Variants in SRRM3 observed in about 807,000 individuals in gnomAD.
The protein encoded by SRRM3 is serine/arginine repetitive matrix protein 3.
SRRM3 carries 27 observed loss-of-function variants against 66.2 expected under a neutral mutation model. The observed-to-expected ratio is 0.41, with a 90% CI of 0.30 to 0.56. SRRM3 has a LOEUF of 0.56. Ranked by LOEUF, SRRM3 falls within the 20% of genes least tolerant of loss-of-function variation. The probability of loss-of-function intolerance (pLI) is 0.32; values close to 1 mark genes in which losing one functional copy is unlikely to be tolerated. For synonymous variants in SRRM3, 391 were observed against 414.9 expected (o/e 0.94, Z 0.70); for missense variants, 918 against 991.9 (o/e 0.93, Z 1.00).
intron 14 of SRRM3, chr7:76,283,633 G>A: frequency 5.7e-6 from 3 of 525,792 alleles, no homozygotes; most frequent in South Asian, 3.0e-5. Flanking sequence ...TCAGCTGTCC[G>A]TCTGTCTGCC....
chr7:76,210,297 G>A (rs560727794), intron 1 of SRRM3, among the ~76,000 whole-genome samples: 1 of 152,278 alleles, frequency 6.6e-6, no homozygotes, highest in South Asian at 2.1e-4. Flanking sequence ...GGGCTTCTGG[G>A]GAGGCAGGAA....
In SRRM3 at chr7:76,281,629, G is replaced by C; in HGVS notation, c.1197G>C (p.Ser399=). The C allele has an allele frequency of 1.0e-6, 1 of 973,680 alleles. No homozygotes were observed. The highest frequency in any genetic ancestry group is 1.2e-6 in the Non-Finnish European group (1 of 822,106). The allele number at this position is 973,680 out of a possible 1,614,324, so 60.3% of individuals were successfully genotyped here. ...RRRRRRRSRS[S]ASAPRRRGRR... ...GTAGGCGGCGGCGCTCGCGGTCCTC[G>C]GCGTCCGCGCCCCGCCGCAGGGGTC... Residue 399 remains serine, a synonymous_variant, in exon 12 of 15, where the codon TCG becomes TCC. Coordinates refer to ENST00000611745, the MANE Select transcript of SRRM3 (RefSeq NM_001110199.3).
chr7:76,258,611 G>A (rs1801774804), intron 3 of SRRM3, among the ~76,000 whole-genome samples: 2 of 151,440 alleles, frequency 1.3e-5, no homozygotes, highest in Admixed American at 1.3e-4. Context: ...CTACTCGGGA[G>A]GCTGAGGCAG....
At chr7:76,261,139 A>T (rs1297093272) in intron 6 of SRRM3, among the ~76,000 whole-genome samples, 1 of 151,258 alleles carries the variant, frequency 6.6e-6, no homozygotes, top group Non-Finnish European at 1.5e-5. Context: ...TGTCCCCACA[A>T]TTGTGGGGAC....
chr7:76,235,120 C>A lies in SRRM3; in HGVS notation c.54C>A (p.Ala18=). 5 of 1,585,798 alleles carry A rather than the reference C, an allele frequency of 3.2e-6. No individual in the cohort carries two copies. Among genetic ancestry groups the A allele is most frequent in the Non-Finnish European group, 4.3e-6 (5 of 1,171,750 alleles). Residue 18 remains alanine, a synonymous_variant, in exon 2 of 15, where the codon GCC becomes GCA. Transcript: ENST00000611745. ...GAASMQSTPD[A]ANGFPQPSSS... is the part of the protein sequence containing the mutation. Reference sequence around the variant, plus strand: ...CCAGCATGCAGTCCACACCCGACGCCGCGAACGGCTTCCCGCAGCCCAGCT... The same window carrying A: ...CCAGCATGCAGTCCACACCCGACGCAGCGAACGGCTTCCCGCAGCCCAGCT...
At chr7:76,228,762 T>G (rs1003674156) in intron 1 of SRRM3, among the ~76,000 whole-genome samples, 2 of 152,100 alleles carry the variant, frequency 1.3e-5, no homozygotes, top group African/African-American at 4.8e-5. Flanking sequence ...TCTTAACAAG[T>G]CTTCCTGGTG....
rs1002270370 is a variant in SRRM3, at chr7:76,270,637, C to T, written c.1008+3202C>T. On this transcript the variant is annotated intron_variant, in intron 11 of 14. Transcript: ENST00000611745. ...GACCAGCCTGGCTAACATGGCGAAC[C>T]CCCGTCTCTACTAAAAATACAAAAA... 3.9e-5 allele frequency among the ~76,000 whole-genome samples: 6 copies of T among 152,076 alleles called. 1 individual carries two copies. The highest frequency in any genetic ancestry group is 2.6e-4 in the Admixed American group (4 of 15,274).
At chr7:76,255,112 C>T (rs951144061) in intron 3 of SRRM3, among the ~76,000 whole-genome samples, 6 of 143,204 alleles carry the variant, frequency 4.2e-5, no homozygotes, top group Non-Finnish European at 9.2e-5. Flanking sequence ...ATTTGGGTAA[C>T]ATTATTTTTC....
intron 1 of SRRM3, among the ~76,000 whole-genome samples, chr7:76,211,719 G>C (rs1297584103): frequency 6.6e-6 from 1 of 151,974 alleles, no homozygotes; most frequent in Non-Finnish European, 1.5e-5. Context: ...AGTATTTCTA[G>C]AACAGTCCAT....
chr7:76,206,791 G>T (rs147322287), intron 1 of SRRM3, among the ~76,000 whole-genome samples: 1 of 151,896 alleles, frequency 6.6e-6, no homozygotes, highest in South Asian at 2.1e-4. Flanking sequence ...CTGCTTCCTC[G>T]GCAGCCAGCC....
At chr7:76,222,325 G>A (rs1275262532) in intron 1 of SRRM3, among the ~76,000 whole-genome samples, 1 of 150,314 alleles carries the variant, frequency 6.7e-6, no homozygotes, top group East Asian at 2.0e-4. Flanking sequence ...GAGGTGGGAG[G>A]ATCACTTGAG....
intron 14 of SRRM3, among the ~76,000 whole-genome samples, chr7:76,284,020 T>G (rs76029076): frequency 0.021 from 3,221 of 152,242 alleles, 45 homozygotes; most frequent in Non-Finnish European, 0.032. Flanking sequence ...CAGGGTTTCG[T>G]GAGCATCTTT....
intron 3 of SRRM3, among the ~76,000 whole-genome samples, chr7:76,256,042 C>T (rs904957638): frequency 5.9e-5 from 9 of 152,094 alleles, no homozygotes; most frequent in Non-Finnish European, 1.0e-4. Context: ...TAGATATGAC[C>T]GAGAACTTAG....
At position 76,215,114 on chromosome 7, in the gene SRRM3, T is replaced by G. The variant is rs1554602366; in HGVS notation, c.-40+13047T>G. Among the ~76,000 whole-genome samples the G allele has an allele frequency of 1.3e-5, 2 of 150,880 alleles. 1 individual carries two copies. Among genetic ancestry groups the G allele is most frequent in the South Asian group, 4.2e-4 (2 of 4,812 alleles). On this transcript the variant is annotated intron_variant, in intron 1 of 14. Coordinates refer to ENST00000611745, the MANE Select transcript of SRRM3 (RefSeq NM_001110199.3). ...AAATATGCAAAATATTAAACTGTGA[T>G]AAAATGATCAGATTTGCATTATTTA...
chr7:76,262,832 G>GAAAC (rs1385789542), intron 8 of SRRM3, among the ~76,000 whole-genome samples: 4 of 151,370 alleles, frequency 2.6e-5, no homozygotes, highest in African/African-American at 9.7e-5. Context: ...AAGAAAGAAA[G>GAAAC]AAAGAAAGAA....
intron 2 of SRRM3, among the ~76,000 whole-genome samples, chr7:76,239,708 AAAAAAC>A (rs1220062584): frequency 3.3e-5 from 5 of 152,166 alleles, no homozygotes; most frequent in Admixed American, 6.6e-5. Context: ...ATCTAAAAAC[AAAAAAC>A]AAAAACAAAA....
At position 76,271,238 on chromosome 7, in the gene SRRM3, G is replaced by A. The variant is rs562512416; in HGVS notation, c.1008+3803G>A. Among the ~76,000 whole-genome samples, 321 of 152,174 alleles carry A rather than the reference G, an allele frequency of 2.1e-3. 4 individuals are homozygous for A. The highest frequency in any genetic ancestry group is 7.3e-3 in the African/African-American group (302 of 41,492). ...AATCCCAGCACTTTGGGAGGCTGAG[G>A]CAGGAGGATCACTTGAGGCCTGCAG... On this transcript the variant is annotated intron_variant, in intron 11 of 14. Transcript: ENST00000611745.
chr7:76,245,918 G>A (rs1008380342), intron 2 of SRRM3, among the ~76,000 whole-genome samples: 7 of 151,944 alleles, frequency 4.6e-5, no homozygotes, highest in Non-Finnish European at 8.8e-5. Flanking sequence ...GGCTGGTCTC[G>A]AACTCCTGAC....
intron 10 of SRRM3, among the ~76,000 whole-genome samples, chr7:76,265,890 A>T (rs1802012957): frequency 7.5e-5 from 1 of 13,346 alleles, no homozygotes; most frequent in Non-Finnish European, 9.9e-5. Context: ...TTTTTTTGAG[A>T]CGGAGTCTCG....
Sources: allele counts gnomAD v4.1 joint callset (sites outside exome capture counted in the v4.1 genomes callset), GRCh38; gene constraint gnomAD v4.1.1; transcripts MANE v1.5; gene names NCBI Gene and HGNC (gene_info 2026-07-23, HGNC 2026-07-21).